The following BICD1 variants were observed in gnomAD, a reference collection of about 807,000 sequenced individuals.
BICD1 encodes protein bicaudal D homolog 1.
BICD1 carries 35 observed loss-of-function variants against 92.5 expected under a neutral mutation model. The ratio of observed to expected loss-of-function variants is 0.38; its 90% CI spans 0.29 to 0.50. The LOEUF (loss-of-function observed/expected upper bound fraction) is 0.50, where lower values mean the gene tolerates loss of function less well. Among genes scored for constraint, BICD1 ranks in the 20% least tolerant of loss-of-function variants. The pLI, the probability that BICD1 is intolerant of heterozygous loss-of-function variation, is 0.93. For synonymous variants in BICD1, 429 were observed against 465.1 expected (o/e 0.92, Z 1.00); for missense variants, 950 against 1,189.8 (o/e 0.80, Z 2.97).
chr12:32,348,264 C>A (rs6488046), intron 8 of BICD1, among the ~76,000 whole-genome samples: 5 of 151,896 alleles, frequency 3.3e-5, no homozygotes, highest in African/African-American at 4.8e-5. Context: ...AAGAGATCAA[C>A]ATGAAAAACT....
intron 8 of BICD1, among the ~76,000 whole-genome samples, chr12:32,362,948 C>CCTGT (rs1181285947): frequency 6.6e-6 from 1 of 152,154 alleles, no homozygotes; most frequent in Non-Finnish European, 1.5e-5. Context: ...ATAGTGCAAG[C>CCTGT]CTGTCGACCC....
intron 1 of BICD1, among the ~76,000 whole-genome samples, chr12:32,215,953 C>CAAAAAAA (rs56005523): frequency 7.4e-5 from 5 of 67,898 alleles, no homozygotes; most frequent in Non-Finnish European, 1.1e-4. Context: ...GACTCCGTCT[C>CAAAAAAA]AAAAAAAAAA....
Position 32,337,471 on chromosome 12 carries a change from T to A in BICD1, c.2253-28T>A. ...AAATTCAGTTTCACCAAGATTTTCC[T>A]CTGACCACTTCTCTGTTTTGGTTCC... is the stretch of plus-strand genomic sequence containing the variant. On this transcript the variant is annotated intron_variant, in intron 6 of 9. Coordinates refer to ENST00000652176, the MANE Select transcript of BICD1 (RefSeq NM_001714.4). This position sits in a 1 kb window ranked among gnomAD's most constrained non-coding sequence, Gnocchi z 4.7. 2 of 1,583,412 alleles carry A rather than the reference T, an allele frequency of 1.3e-6. No homozygotes were observed. The highest frequency in any genetic ancestry group is 1.7e-6 in the Non-Finnish European group (2 of 1,158,246).
intron 2 of BICD1, among the ~76,000 whole-genome samples, chr12:32,276,383 G>T (rs192232435): frequency 1.3e-5 from 2 of 152,166 alleles, no homozygotes; most frequent in Admixed American, 6.5e-5. Context: ...TTCCTAGGCC[G>T]ACTAAGAATC....
chr12:32,206,317 TC>T (rs1945053750), intron 1 of BICD1, among the ~76,000 whole-genome samples: 2 of 152,056 alleles, frequency 1.3e-5, no homozygotes, highest in Admixed American at 6.6e-5. Flanking sequence ...GAAATAAAAC[TC>T]TCCCAGGCCG....
At chr12:32,241,420 A>G (rs1946231877) in intron 2 of BICD1, among the ~76,000 whole-genome samples, 1 of 152,218 alleles carries the variant, frequency 6.6e-6, no homozygotes, top group African/African-American at 2.4e-5. Flanking sequence ...AGTGGCCTGA[A>G]TCAGAGCAGA....
chr12:32,248,627 T>C (rs1946448124), intron 2 of BICD1, among the ~76,000 whole-genome samples: 1 of 152,138 alleles, frequency 6.6e-6, no homozygotes, highest in Non-Finnish European at 1.5e-5. Flanking sequence ...TTAAGAACTC[T>C]AAGTTAGAAG....
Position 32,305,895 on chromosome 12 carries a change from GATAACC to G in BICD1, c.782_787del (p.Asn261_His262del), listed in dbSNP as rs1565657380. On this transcript the variant is annotated inframe_deletion, in exon 4 of 10. Transcript: ENST00000652176. ...GCTCTCCCAGTATATCAGCCTCAATGATAACCATATCAGCATCTCAGTAGATGGACT... is the reference window on the plus strand; with the variant it reads ...GCTCTCCCAGTATATCAGCCTCAATGATATCAGCATCTCAGTAGATGGACT... 1 of 1,614,194 alleles carries G rather than the reference GATAACC, an allele frequency of 6.2e-7. No individual in the cohort carries two copies.
intron 2 of BICD1, among the ~76,000 whole-genome samples, chr12:32,267,707 A>G (rs1565630220): frequency 6.6e-6 from 1 of 152,124 alleles, no homozygotes; most frequent in African/African-American, 2.4e-5. Context: ...TCTTTCCCCC[A>G]CTGATCTGCA....
At chr12:32,274,757 C>T (rs1947234027) in intron 2 of BICD1, among the ~76,000 whole-genome samples, 1 of 152,128 alleles carries the variant, frequency 6.6e-6, no homozygotes, top group Admixed American at 6.6e-5. Flanking sequence ...AGTAGCAAAG[C>T]ATAGTGGTTA....
At chr12:32,291,629 C>T (rs565975837) in intron 2 of BICD1, among the ~76,000 whole-genome samples, 5 of 152,006 alleles carry the variant, frequency 3.3e-5, no homozygotes, top group South Asian at 2.1e-4. Context: ...ATTGCCTTCA[C>T]GAGTTTGAGA....
chr12:32,249,153 T>A (rs1027276180), intron 2 of BICD1, among the ~76,000 whole-genome samples: 1 of 152,068 alleles, frequency 6.6e-6, no homozygotes, highest in Non-Finnish European at 1.5e-5. Context: ...AGCACCAGTC[T>A]TTAGGGAAAG....
chr12:32,177,712 T>TATAAATATATTTATATATTTATAA (rs1944138105), intron 1 of BICD1, among the ~76,000 whole-genome samples: 4 of 107,872 alleles, frequency 3.7e-5, no homozygotes, highest in South Asian at 3.0e-4. Flanking sequence ...TAGTAGAGTA[T>TATAAATATATTTATATATTTATAA]AAATATATAA....
At position 32,344,178 on chromosome 12, in the gene BICD1, C is replaced by T. The variant is rs572191504; in HGVS notation, c.2764+5199C>T. Among the ~76,000 whole-genome samples the T allele has an allele frequency of 2.6e-5, 4 of 152,232 alleles. No homozygotes were observed. The East Asian group carries it at 7.7e-4, about 29-fold the overall frequency. The stretch of plus-strand genomic sequence containing the variant: ...AATTAGGATGGTTAGGAACGTCCTT[C>T]CAGAAGAAATGCAAGGCTGGCCATG... On this transcript the variant is annotated intron_variant, in intron 8 of 9. Transcript: ENST00000652176.
chr12:32,162,609 G>A (rs932179647), intron 1 of BICD1, among the ~76,000 whole-genome samples: 3 of 152,176 alleles, frequency 2.0e-5, no homozygotes, highest in African/African-American at 4.8e-5. Context: ...TTCATCAATA[G>A]AGGTTAGCTA....
intron 1 of BICD1, among the ~76,000 whole-genome samples, chr12:32,210,250 T>C (rs911423767): frequency 6.6e-6 from 1 of 152,192 alleles, no homozygotes; most frequent in Non-Finnish European, 1.5e-5. Context: ...AATTTTAGTA[T>C]TATTTTGCAG....
chr12:32,354,192 C>T (rs1939005627), intron 8 of BICD1: 1 of 152,136 alleles, frequency 6.6e-6, no homozygotes. Flanking sequence ...ATCAGGACAG[C>T]AAATGGGAAG....
chr12:32,191,219 A>G (rs1013337968), intron 1 of BICD1, among the ~76,000 whole-genome samples: 39 of 152,340 alleles, frequency 2.6e-4, no homozygotes, highest in African/African-American at 9.4e-4. Flanking sequence ...AAGGAGACAA[A>G]GATTGGAGCA....
intron 2 of BICD1, among the ~76,000 whole-genome samples, chr12:32,285,282 T>TGTATGTCTAAAATG (rs1408731858): frequency 1.3e-5 from 2 of 152,188 alleles, no homozygotes; most frequent in Non-Finnish European, 2.9e-5. Context: ...TCTGTATGTC[T>TGTATGTCTAAAATG]AGCATCCTTG....
Sources: gnomAD v4.1 joint callset for allele counts (sites outside exome capture counted in the v4.1 genomes callset) on GRCh38, gnomAD v4.1.1 for gene constraint, Gnocchi (gnomAD v3.1) non-coding constraint, MANE v1.5 for transcripts, NCBI Gene and HGNC (gene_info 2026-07-23, HGNC 2026-07-21) for gene names.